The following RAPGEF2 variants were observed in gnomAD, a reference collection of about 807,000 sequenced individuals.
The protein encoded by RAPGEF2 is Rap guanine nucleotide exchange factor 2, also known as PDZ domain containing guanine nucleotide exchange factor (GEF) 1.
Under a neutral mutation model 186.7 loss-of-function variants are expected in RAPGEF2, and 54 were observed. The ratio of observed to expected loss-of-function variants is 0.29; its 90% confidence interval spans 0.23 to 0.36. The LOEUF (loss-of-function observed/expected upper bound fraction) is 0.36, where lower values mean the gene tolerates loss of function less well. Among genes scored for constraint, RAPGEF2 ranks in the 10% least tolerant of loss-of-function variants. The pLI, the probability that RAPGEF2 is intolerant of heterozygous loss-of-function variation, is 1.00. For synonymous variants in RAPGEF2, 712 were observed against 705.9 expected, an observed-to-expected ratio of 1.01 and a Z score of -0.14; for missense variants, 1,532 against 2,045.0, an observed-to-expected ratio of 0.75 and a Z score of 4.84.
intron 4 of RAPGEF2, among the ~76,000 whole-genome samples, chr4:159,227,166 T>C (rs1289235026): frequency 6.6e-6 from 1 of 152,232 alleles, no homozygotes; most frequent in Non-Finnish European, 1.5e-5. Flanking sequence ...ATCAGATGTT[T>C]AGTTCTGATT....
intron 7 of RAPGEF2, among the ~76,000 whole-genome samples, chr4:159,245,270 G>A (rs545794984): frequency 9.9e-4 from 150 of 152,166 alleles, no homozygotes; most frequent in African/African-American, 3.4e-3. Context: ...TATGAGGTTT[G>A]CAGAGAGAAT....
At chr4:159,334,699 A>G (rs1384929637) in intron 17 of RAPGEF2, among the ~76,000 whole-genome samples, 1 of 152,242 alleles carries the variant, frequency 6.6e-6, no homozygotes, top group Non-Finnish European at 1.5e-5. Context: ...GAGATAATCC[A>G]TCAGCAATAC....
rs1350334405 is a variant in RAPGEF2, at chr4:159,104,141, C to A, written c.-22C>A. The stretch of plus-strand genomic sequence containing the variant: ...AGGCCGGCCAGGGTGCGGAGCGGCC[C>A]CGGCCCGCTCCCAGAGGGGAGATGG... On this transcript the variant is annotated 5_prime_UTR_variant, in exon 1 of 30. Coordinates refer to ENST00000691494, the MANE Select transcript of RAPGEF2 (RefSeq NM_001394067.2). The A allele has an allele frequency of 6.6e-7, 1 of 1,511,186 alleles. No homozygotes were observed. Among genetic ancestry groups the A allele is most frequent in the Non-Finnish European group, 8.8e-7 (1 of 1,132,682 alleles). The allele number at this position is 1,511,186 out of a possible 1,614,324, so 93.6% of individuals were successfully genotyped here. A position where few individuals can be genotyped will look rare whatever the true frequency, so the allele number is the denominator to read the frequency against.
intron 17 of RAPGEF2, among the ~76,000 whole-genome samples, chr4:159,333,888 T>G (rs1767033413): frequency 6.6e-6 from 1 of 152,254 alleles, no homozygotes; most frequent in African/African-American, 2.4e-5. Context: ...TCTTTTTCTT[T>G]TTTAAAAAAA....
intron 7 of RAPGEF2, among the ~76,000 whole-genome samples, chr4:159,287,741 A>C (rs1756619800): frequency 6.6e-6 from 1 of 152,196 alleles, no homozygotes; most frequent in African/African-American, 2.4e-5. Flanking sequence ...AATAGTTTAC[A>C]TTGTAGAAAA....
chr4:159,306,002 G>C (rs1305257590), intron 8 of RAPGEF2, among the ~76,000 whole-genome samples: 2 of 152,004 alleles, frequency 1.3e-5, no homozygotes, highest in Non-Finnish European at 2.9e-5. Flanking sequence ...TCTTTATTTT[G>C]TTCCATTGAT....
Position 159,352,921 on chromosome 4 carries a change from C to G in RAPGEF2, c.4091+11C>G, listed in dbSNP as rs1469884015. The G allele has an allele frequency of 3.1e-6, 5 of 1,592,024 alleles. No individual in the cohort carries two copies. Among genetic ancestry groups the G allele is most frequent in the Non-Finnish European group, 4.3e-6 (5 of 1,162,460 alleles). On this transcript the variant is annotated intron_variant, in intron 27 of 29. Coordinates refer to ENST00000691494, the MANE Select transcript of RAPGEF2 (RefSeq NM_001394067.2). ...TCAGTATAGCTTGGGGTAGGTGGCT[C>G]TTTTTAATATTCTTCTGAATTTATC...
intron 7 of RAPGEF2, among the ~76,000 whole-genome samples, chr4:159,290,378 C>G (rs1219241493): frequency 6.6e-6 from 1 of 152,154 alleles, no homozygotes; most frequent in Non-Finnish European, 1.5e-5. Context: ...TTTTATTTAA[C>G]CAGTCATCAG....
intron 1 of RAPGEF2, among the ~76,000 whole-genome samples, chr4:159,147,372 CTT>C (rs796242376): frequency 1.4e-5 from 2 of 145,616 alleles, no homozygotes; most frequent in Admixed American, 6.9e-5. Flanking sequence ...ACAAAAATAC[CTT>C]TTTTTTTTTG....
chr4:159,328,387 ATAAT>A (rs1766222030), intron 11 of RAPGEF2: 1 of 152,140 alleles, frequency 6.6e-6, no homozygotes, highest in Non-Finnish European at 1.5e-5. Context: ...TATTTTTAAT[ATAAT>A]TAAAGTATGC....
chr4:159,320,160 A>G (rs1765070015), intron 9 of RAPGEF2, among the ~76,000 whole-genome samples: 1 of 152,204 alleles, frequency 6.6e-6, no homozygotes, highest in African/African-American at 2.4e-5. Flanking sequence ...TGATGGCTAA[A>G]GAAAACAGAG....
chr4:159,241,767 C>T (rs924944468), intron 6 of RAPGEF2, among the ~76,000 whole-genome samples: 4 of 151,848 alleles, frequency 2.6e-5, no homozygotes, highest in East Asian at 3.8e-4. Flanking sequence ...AACATTTTAG[C>T]GCCCTCCTGT....
intron 1 of RAPGEF2, among the ~76,000 whole-genome samples, chr4:159,109,012 C>G (rs1179644181): frequency 4.6e-5 from 7 of 152,044 alleles, no homozygotes; most frequent in African/African-American, 1.7e-4. Context: ...AACCACTGCA[C>G]CTGGTCCATT....
chr4:159,182,404 T>A (rs1747112538), intron 1 of RAPGEF2, among the ~76,000 whole-genome samples: 1 of 143,010 alleles, frequency 7.0e-6, no homozygotes, highest in African/African-American at 2.6e-5. Context: ...TTTTTTTTTT[T>A]TTTTTTTTTG....
In RAPGEF2 at chr4:159,358,222, C is replaced by T; in HGVS notation, c.*83C>T. Reference sequence around the variant, plus strand: ...TCCTGAGCATTGGAGCCTTGGAACTCACATTCTGAGGACGGTGGACCAGTT... The same window carrying T: ...TCCTGAGCATTGGAGCCTTGGAACTTACATTCTGAGGACGGTGGACCAGTT... On this transcript the variant is annotated 3_prime_UTR_variant, in exon 30 of 30. Transcript: ENST00000691494. The T allele has an allele frequency of 7.0e-7, 1 of 1,420,876 alleles. No individual in the cohort carries two copies. The allele number at this position is 1,420,876 out of a possible 1,614,324, so 88.0% of individuals were successfully genotyped here.
chr4:159,335,545 C>G (rs568472263), intron 17 of RAPGEF2, among the ~76,000 whole-genome samples: 6 of 152,168 alleles, frequency 3.9e-5, no homozygotes, highest in African/African-American at 1.4e-4. Flanking sequence ...TAAAGTGTTG[C>G]GGAGAAACGG....
At chr4:159,253,633 A>G (rs1240075223) in intron 7 of RAPGEF2, among the ~76,000 whole-genome samples, 1 of 152,120 alleles carries the variant, frequency 6.6e-6, no homozygotes, top group East Asian at 1.9e-4. Context: ...AATTCCGAAT[A>G]ACCATAGTTT....
At chr4:159,201,957 A>C (rs547926065) in intron 3 of RAPGEF2, among the ~76,000 whole-genome samples, 108 of 152,246 alleles carry the variant, frequency 7.1e-4, no homozygotes, top group African/African-American at 2.6e-3. Context: ...AGATGCCAAC[A>C]GCTTTGTCTT....
chr4:159,358,304 C>A lies in RAPGEF2; in HGVS notation c.*165C>A. On this transcript the variant is annotated 3_prime_UTR_variant, in exon 30 of 30. Coordinates refer to ENST00000691494, the MANE Select transcript of RAPGEF2 (RefSeq NM_001394067.2). ...GGCTTCTTCTCCCCTTCTTCCTTTC[C>A]CCTTTGCATGTGAAATACTGTGAAG... The A allele has an allele frequency of 1.6e-6, 1 of 626,178 alleles. No individual in the cohort carries two copies. The highest frequency in any genetic ancestry group is 2.8e-6 in the Non-Finnish European group (1 of 363,238). The allele number at this position is 626,178 out of a possible 1,614,324, so 38.8% of individuals were successfully genotyped here.
Sources: allele counts gnomAD v4.1 joint callset (sites outside exome capture counted in the v4.1 genomes callset), GRCh38; gene constraint gnomAD v4.1.1; transcripts MANE v1.5; gene names NCBI Gene and HGNC (gene_info 2026-07-23, HGNC 2026-07-21).